SIL1: variants seen among roughly 807,000 people sequenced by gnomAD.
SIL1 encodes nucleotide exchange factor SIL1.
A neutral mutation model predicts 49.1 loss-of-function variants in SIL1; 40 were observed. The observed-to-expected ratio is 0.81, with a 90% CI of 0.63 to 1.06. SIL1 has a LOEUF of 1.06. Ranked by LOEUF, SIL1 falls within the 50% of genes least tolerant of loss-of-function variation. The probability of loss-of-function intolerance (pLI) is 0.00; values close to 1 mark genes in which losing one functional copy is unlikely to be tolerated. For missense variants in SIL1, 500 were observed against 572.6 expected (o/e 0.87, Z 1.29); for synonymous variants, 253 against 250.8 (o/e 1.01, Z -0.08).
intron 7 of SIL1, among the ~76,000 whole-genome samples, chr5:138,977,777 C>A (rs1767424423): frequency 1.3e-5 from 2 of 152,180 alleles, no homozygotes; most frequent in African/African-American, 2.4e-5. Flanking sequence ...ACTTCGCCAA[C>A]CTCACCTCTT....
intron 1 of SIL1, among the ~76,000 whole-genome samples, chr5:139,128,998 T>C (rs1320937378): frequency 6.6e-6 from 1 of 151,974 alleles, no homozygotes; most frequent in Non-Finnish European, 1.5e-5. Flanking sequence ...AATACAAAAA[T>C]TTGCTGGGTG....
chr5:139,045,220 G>A (rs1769130322), intron 4 of SIL1, among the ~76,000 whole-genome samples: 1 of 152,162 alleles, frequency 6.6e-6, no homozygotes, highest in Non-Finnish European at 1.5e-5. Flanking sequence ...AGCCAGGCAA[G>A]GTGGTGTGCA....
intron 3 of SIL1, among the ~76,000 whole-genome samples, chr5:139,095,296 C>T (rs1459554777): frequency 6.9e-6 from 1 of 145,370 alleles, no homozygotes; most frequent in Non-Finnish European, 1.5e-5. Flanking sequence ...GAGCATCTCA[C>T]TCTGTCTCCC....
chr5:139,172,254 CT>C (rs1751786386), intron 1 of SIL1, among the ~76,000 whole-genome samples: 1 of 152,158 alleles, frequency 6.6e-6, no homozygotes, highest in South Asian at 2.1e-4. Flanking sequence ...ATCTGAAAAG[CT>C]CAACAAACTC....
intron 7 of SIL1, among the ~76,000 whole-genome samples, chr5:138,977,629 C>T (rs1280091841): frequency 6.6e-6 from 1 of 152,196 alleles, no homozygotes; most frequent in East Asian, 1.9e-4. Context: ...GTGTGAGCCA[C>T]TGAGCCAAGC....
intron 4 of SIL1, among the ~76,000 whole-genome samples, chr5:139,043,387 A>G (rs2150446926): frequency 6.6e-6 from 1 of 152,144 alleles, no homozygotes; most frequent in East Asian, 1.9e-4. Context: ...CTATTAATAT[A>G]TTTTTCCATG....
chr5:139,143,059 C>T (rs953999126), intron 1 of SIL1, among the ~76,000 whole-genome samples: 5 of 151,842 alleles, frequency 3.3e-5, no homozygotes, highest in East Asian at 3.9e-4. Flanking sequence ...TGAGCCACCG[C>T]GCCCGGCCAC....
intron 7 of SIL1, chr5:139,016,732 T>G (rs1768409325): frequency 6.8e-6 from 1 of 146,608 alleles, no homozygotes; most frequent in Admixed American, 6.7e-5. Context: ...CTTGAAAAAT[T>G]TCAGGGATAG....
intron 1 of SIL1, among the ~76,000 whole-genome samples, chr5:139,187,220 G>A (rs566244437): frequency 8.8e-4 from 134 of 152,288 alleles, no homozygotes; most frequent in African/African-American, 3.0e-3. Flanking sequence ...CAGCTCTGCA[G>A]CATAAAGTAG....
intron 7 of SIL1, among the ~76,000 whole-genome samples, chr5:138,968,907 C>A (rs1003851989): frequency 6.6e-6 from 1 of 152,126 alleles, no homozygotes; most frequent in Admixed American, 6.5e-5. Context: ...TCAGACTCCG[C>A]GACTGCCCTG....
At chr5:139,194,769 G>C (rs914310648) in intron 1 of SIL1, among the ~76,000 whole-genome samples, 2 of 152,172 alleles carry the variant, frequency 1.3e-5, no homozygotes, top group Non-Finnish European at 2.9e-5. Flanking sequence ...CTTACTACAA[G>C]AGACTGGCAG....
rs374628781 is a variant in SIL1, at chr5:139,136,175, A to C, written c.-10-8322T>G. On this transcript the variant is annotated intron_variant, in intron 1 of 9. Coordinates refer to ENST00000394817, the MANE Select transcript of SIL1 (RefSeq NM_022464.5). ...TTGGCCACAGCTTGCAAAGAATCTG[A>C]ATGCTAGAAGTGAGCTTAAGGCTCA... Among the ~76,000 whole-genome samples the C allele has an allele frequency of 3.9e-5, 6 of 152,182 alleles. No homozygotes were observed. The East Asian group carries it at 7.7e-4, about 20-fold the overall frequency.
rs182299169 is a variant in SIL1, at chr5:139,168,086, T to C, written c.-11+30183A>G. Among the ~76,000 whole-genome samples the C allele has an allele frequency of 6.6e-5, 10 of 152,344 alleles. No homozygotes were observed. In the East Asian group the frequency reaches 1.3e-3, roughly 21 times the overall value. ...CATTGTGTTACAATTGTCTATAATA[T>C]TGAGTACAGTAGCAAGCTGTACAGG... On this transcript the variant is annotated intron_variant, in intron 1 of 9. Coordinates refer to ENST00000394817, the MANE Select transcript of SIL1 (RefSeq NM_022464.5).
At chr5:139,070,554 G>C (rs1406614777) in intron 3 of SIL1, among the ~76,000 whole-genome samples, 1 of 152,134 alleles carries the variant, frequency 6.6e-6, no homozygotes, top group African/African-American at 2.4e-5. Flanking sequence ...AAATGTACAA[G>C]ACGAGCTTAG....
intron 1 of SIL1, among the ~76,000 whole-genome samples, chr5:139,174,749 C>T (rs1751843212): frequency 6.6e-6 from 1 of 151,232 alleles, no homozygotes. Flanking sequence ...ACCAGCCTGG[C>T]CAACATGCCA....
intron 1 of SIL1, among the ~76,000 whole-genome samples, chr5:139,128,677 TA>T: frequency 6.6e-6 from 1 of 151,010 alleles, no homozygotes; most frequent in South Asian, 2.1e-4. Context: ...ATTAAAAGAA[TA>T]TAAGGATGGA....
chr5:139,161,199 C>T (rs988757456), intron 1 of SIL1, among the ~76,000 whole-genome samples: 3 of 151,776 alleles, frequency 2.0e-5, no homozygotes, highest in African/African-American at 2.4e-5. Flanking sequence ...ACTGAGATCG[C>T]GCCATTGCAC....
chr5:139,157,783 G>A (rs922350612), intron 1 of SIL1, among the ~76,000 whole-genome samples: 1 of 152,158 alleles, frequency 6.6e-6, no homozygotes, highest in East Asian at 1.9e-4. Context: ...ACCAGTTTGG[G>A]GTTCCTGGGA....
At chr5:138,996,797 T>C (rs1489016866) in intron 7 of SIL1, among the ~76,000 whole-genome samples, 1 of 152,198 alleles carries the variant, frequency 6.6e-6, no homozygotes, top group Non-Finnish European at 1.5e-5. Context: ...GGATTACAGG[T>C]GTGAGCCACC....
Sources: allele counts gnomAD v4.1 joint callset (sites outside exome capture counted in the v4.1 genomes callset), GRCh38; gene constraint gnomAD v4.1.1; transcripts MANE v1.5; gene names NCBI Gene and HGNC (gene_info 2026-07-23, HGNC 2026-07-21).